The following HAUS8 variants were observed in gnomAD, a reference collection of about 807,000 sequenced individuals.
HAUS8 encodes the protein HAUS augmin like complex subunit 8, also known as HAUS augmin-like complex subunit 8.
HAUS8 carries 38 observed loss-of-function variants against 42.9 expected under a neutral mutation model. The observed-to-expected ratio is 0.89, with a 90% CI of 0.68 to 1.16. The LOEUF (loss-of-function observed/expected upper bound fraction) is 1.16. Among genes scored for constraint, HAUS8 ranks in the 50% most tolerant of loss-of-function variants. The probability of loss-of-function intolerance (pLI) is 0.00; values close to 1 mark genes in which losing one functional copy is unlikely to be tolerated. For missense variants in HAUS8, 494 were observed against 511.6 expected, an observed-to-expected ratio of 0.97 and a Z score of 0.33; for synonymous variants, 199 against 205.8, an observed-to-expected ratio of 0.97 and a Z score of 0.28.
chr19:17,052,719 C>T, intron 10 of HAUS8, 106 bp downstream of exon 10: 2 of 1,203,518 alleles, frequency 1.7e-6, no homozygotes. Flanking sequence ...GGGACTGAAC[C>T]TCCTCTGAAC....
Position 17,060,610 on chromosome 19 carries a change from GT to G in HAUS8, c.230-519del, listed in dbSNP as rs111688988. Among the ~76,000 whole-genome samples, 120 of 152,294 alleles carry G rather than the reference GT, an allele frequency of 7.9e-4. 2 individuals carry two copies. Among genetic ancestry groups the G allele is most frequent in the African/African-American group, 2.8e-3 (115 of 41,548 alleles). ...TTTAGTAGAGATGAGGTTTCACCAT[GT>G]TGGCCAGGCTGGTCTCAAACTCCTG... On this transcript the variant is annotated intron_variant, in intron 4 of 10. Transcript: ENST00000253669.
At chr19:17,056,651 C>T (rs146112567) in intron 8 of HAUS8, among the ~76,000 whole-genome samples, 1,653 of 152,190 alleles carry the variant, frequency 0.011, 8 homozygotes, top group Non-Finnish European at 0.018. Flanking sequence ...AGTGCAGCGG[C>T]GCAGTCTCGG....
chr19:17,056,558 C>T (rs540507409), intron 8 of HAUS8, among the ~76,000 whole-genome samples: 13 of 152,126 alleles, frequency 8.5e-5, no homozygotes, highest in African/African-American at 2.9e-4. Context: ...TACACACACA[C>T]ACAGACACAC....
chr19:17,049,974 G>C lies in HAUS8; in HGVS notation c.1132C>G (p.Pro378Ala). ...EDDNPGASSAPAQATFISPSE... is the reference protein window; with the variant it reads ...EDDNPGASSAAAQATFISPSE... ...GGGCTGATGAACGTGGCCTGAGCGG[G>C]GGCTGACGAGGCACCCGGGTTGTCG... Residue 378 changes from proline (P) to alanine (A), a missense_variant, in exon 11 of 11, where the codon CCC becomes GCC. By Grantham distance (27) the Pro-to-Ala change is conservative (BLOSUM62 -1). Coordinates refer to ENST00000253669, the MANE Select transcript of HAUS8 (RefSeq NM_033417.2). The C allele has an allele frequency of 6.3e-7, 1 of 1,599,672 alleles. No homozygotes were observed. Among genetic ancestry groups the C allele is most frequent in the Non-Finnish European group, 8.5e-7 (1 of 1,173,546 alleles).
intron 9 of HAUS8, 48 bp from the exon 10 acceptor site, chr19:17,053,014 G>C: frequency 1.2e-6 from 2 of 1,611,742 alleles, no homozygotes; most frequent in Admixed American, 1.7e-5. Context: ...GGTGCCCCAC[G>C]CAAGGCACAC....
intron 8 of HAUS8, among the ~76,000 whole-genome samples, chr19:17,056,968 C>T (rs1346226583): frequency 3.3e-5 from 5 of 152,210 alleles, no homozygotes; most frequent in African/African-American, 1.2e-4. Flanking sequence ...CAGCCTCCAC[C>T]TCCCAGGGTC....
chr19:17,056,308 C>T (rs566777507), intron 8 of HAUS8, among the ~76,000 whole-genome samples: 2 of 152,280 alleles, frequency 1.3e-5, no homozygotes, highest in African/African-American at 4.8e-5. Flanking sequence ...AGGCCATCCC[C>T]GGCATGGCCC....
At chr19:17,071,163 A>G (rs559732998) in intron 2 of HAUS8, among the ~76,000 whole-genome samples, 1 of 152,044 alleles carries the variant, frequency 6.6e-6, no homozygotes, top group East Asian at 1.9e-4. Flanking sequence ...TGACATGCTC[A>G]ATGTCACACA....
At chr19:17,072,949 CAAAAA>C (rs201634583) in intron 2 of HAUS8, among the ~76,000 whole-genome samples, 1 of 84,786 alleles carries the variant, frequency 1.2e-5, no homozygotes, top group Non-Finnish European at 2.2e-5. Context: ...GACCCCAACT[CAAAAA>C]AAAAAAAAAA....
chr19:17,049,732 C>T lies in HAUS8; in HGVS notation c.*141G>A, dbSNP rs2057274208. On this transcript the variant is annotated 3_prime_UTR_variant, in exon 11 of 11. Transcript: ENST00000253669. ...AGAACTTGAGAAAACACAGGTCTTC[C>T]AACTGGCCCCTTCATAGAAAATGGA... is the stretch of plus-strand genomic sequence containing the variant. The T allele has an allele frequency of 1.5e-6, 1 of 647,580 alleles. No homozygotes were observed. Among genetic ancestry groups the T allele is most frequent in the Non-Finnish European group, 2.4e-6 (1 of 422,374 alleles). The allele number at this position is 647,580 out of a possible 1,614,324, so 40.1% of individuals were successfully genotyped here.
intron 2 of HAUS8, among the ~76,000 whole-genome samples, chr19:17,069,447 C>G (rs943000906): frequency 6.6e-6 from 1 of 151,140 alleles, no homozygotes; most frequent in African/African-American, 2.4e-5. Flanking sequence ...CCTCCCATCT[C>G]GTGTGACCCC....
rs757832356 is a variant in HAUS8 at position 17,058,704 on chromosome 19, C to T, written c.490G>A (p.Glu164Lys). 9.3e-6 allele frequency: 15 copies of T among 1,606,386 alleles called. No individual in the cohort carries two copies. Among genetic ancestry groups the T allele is most frequent in the Non-Finnish European group, 1.3e-5 (15 of 1,177,076 alleles). Residue 164 changes from glutamate (E) to lysine (K), a missense_variant, in exon 8 of 11, where the codon GAG (glutamate) becomes AAG (lysine). Coordinates refer to ENST00000253669, the MANE Select transcript of HAUS8 (RefSeq NM_033417.2). Reference sequence around the variant, plus strand: ...CTTTCAAACTCAGCAAGATTGTTCTCCATCTGTTAAATGTGAAAGAAAAGC... The same window carrying T: ...CTTTCAAACTCAGCAAGATTGTTCTTCATCTGTTAAATGTGAAAGAAAAGC... ...LLLTLLSVKM[E>K]NNLAEFERRA...
chr19:17,053,418 A>C, intron 9 of HAUS8: 1 of 171,048 alleles, frequency 5.8e-6, no homozygotes, highest in Non-Finnish European at 1.3e-5. Flanking sequence ...ACATCACATC[A>C]AGGCCAGTCG....
intron 3 of HAUS8, among the ~76,000 whole-genome samples, chr19:17,064,038 C>T (rs1047426646): frequency 1.2e-4 from 18 of 152,170 alleles, no homozygotes; most frequent in Non-Finnish European, 1.6e-4. Flanking sequence ...AACTCTAATA[C>T]AGCAGGGGTG....
chr19:17,057,017 C>CT (rs1403923216), intron 8 of HAUS8, among the ~76,000 whole-genome samples: 4 of 152,188 alleles, frequency 2.6e-5, no homozygotes, highest in Non-Finnish European at 5.9e-5. Flanking sequence ...GTAGCTGGGA[C>CT]TATAGGCATA....
At chr19:17,066,800 C>T (rs914740305) in intron 3 of HAUS8, among the ~76,000 whole-genome samples, 16 of 152,300 alleles carry the variant, frequency 1.1e-4, no homozygotes, top group Non-Finnish European at 1.5e-4. Context: ...AGAATGTTTA[C>T]GGAGGCTTTA....
At chr19:17,059,176 GA>G (rs1346024908) in intron 6 of HAUS8, among the ~76,000 whole-genome samples, 1 of 152,158 alleles carries the variant, frequency 6.6e-6, no homozygotes, top group Non-Finnish European at 1.5e-5. Context: ...GCTGCACCAG[GA>G]CCAGAATGCC....
At chr19:17,069,217 C>T (rs1201295068) in intron 2 of HAUS8, 131 bp from the exon 3 acceptor site, 3 of 763,632 alleles carry the variant, frequency 3.9e-6, no homozygotes, top group Non-Finnish European at 6.9e-6. Context: ...GAGGAGGTCA[C>T]CACTCCTCCT....
intron 1 of HAUS8, 60 bp from the exon 2 acceptor site, chr19:17,073,395 G>A (rs370396317): frequency 1.0e-5 from 15 of 1,495,858 alleles, no homozygotes; most frequent in East Asian, 4.5e-5. Context: ...CAGGGAAGCC[G>A]GCGAGGTGCC....
Sources: gnomAD v4.1 joint callset for allele counts (sites outside exome capture counted in the v4.1 genomes callset) on GRCh38, gnomAD v4.1.1 for gene constraint, MANE v1.5 for transcripts, NCBI Gene and HGNC (gene_info 2026-07-23, HGNC 2026-07-21) for gene names.